The following C1orf21 variants were observed in gnomAD, a reference collection of about 807,000 sequenced individuals.
The protein encoded by C1orf21 is uncharacterized protein C1orf21.
In C1orf21, 3 loss-of-function variants were observed where a neutral mutation model predicts 18.7. The observed-to-expected ratio is 0.16, with a 90% CI of 0.07 to 0.42. The LOEUF (loss-of-function observed/expected upper bound fraction) is 0.42. Among genes scored for constraint, C1orf21 ranks in the 10% least tolerant of loss-of-function variants. C1orf21 has a pLI of 0.99. For synonymous variants in C1orf21, 41 were observed against 46.4 expected (o/e 0.88, Z 0.47); for missense variants, 104 against 143.6 (o/e 0.72, Z 1.41).
Position 184,387,718 on chromosome 1 carries a change from C to A in C1orf21, c.-125+350C>A, listed in dbSNP as rs1175718038. ...GTGTTAGACACCCCTCCCTTCCCAC[C>A]CGCACCCTGCCGCCCTCAGCCTTCC... On this transcript the variant is annotated intron_variant, in intron 1 of 5. Transcript: ENST00000235307. This position sits in a 1 kb window ranked among gnomAD's most constrained non-coding sequence, Gnocchi z 5.6. Among the ~76,000 whole-genome samples the A allele has an allele frequency of 6.6e-6, 1 of 152,184 alleles. No homozygotes were observed.
chr1:184,610,709 A>G (rs1423297650), intron 5 of C1orf21, among the ~76,000 whole-genome samples: 2 of 152,024 alleles, frequency 1.3e-5, no homozygotes, highest in Admixed American at 6.5e-5. Context: ...TTAGATGGGC[A>G]TGGTGGCAGG....
intron 3 of C1orf21, among the ~76,000 whole-genome samples, chr1:184,561,726 T>TAG (rs1658968222): frequency 6.6e-6 from 1 of 152,140 alleles, no homozygotes; most frequent in Admixed American, 6.5e-5. Flanking sequence ...CAAGTAATTC[T>TAG]CCTGCCTCAG....
In C1orf21 at chr1:184,477,700, G is replaced by A; in HGVS notation, c.94+97G>A. 3 of 937,338 alleles carry A rather than the reference G, an allele frequency of 3.2e-6. No individual in the cohort carries two copies. In the South Asian group the frequency reaches 5.0e-5, roughly 16 times the overall value. 58.1% of individuals were successfully genotyped at this position (937,338 alleles called of 1,614,324 possible). On this transcript the variant is annotated intron_variant, in intron 2 of 5. Transcript: ENST00000235307. ...ATTTGTACATATTTATGGGGTGCTT[G>A]TGATATTTTGTTACATGCCTAGAAT...
At chr1:184,478,086 C>A (rs1397282060) in intron 2 of C1orf21, among the ~76,000 whole-genome samples, 1 of 152,122 alleles carries the variant, frequency 6.6e-6, no homozygotes, top group Admixed American at 6.6e-5. Flanking sequence ...GCATTTAAAT[C>A]AAGCTTCAAA....
chr1:184,596,873 CAAAA>C (rs11291932), intron 4 of C1orf21, among the ~76,000 whole-genome samples: 1 of 123,452 alleles, frequency 8.1e-6, no homozygotes, highest in Non-Finnish European at 1.8e-5. Context: ...GACTCTGTCT[CAAAA>C]AAAAAAAAAA....
rs775635840 is a variant in C1orf21, at chr1:184,616,710, ATG to A, written c.328-2802_328-2801del. Among the ~76,000 whole-genome samples, 4 of 99,964 alleles carry A rather than the reference ATG, an allele frequency of 4.0e-5. No individual in the cohort carries two copies. The South Asian group carries it at 1.3e-3, about 31-fold the overall frequency. 65.6% of individuals were successfully genotyped at this position (99,964 alleles called of 152,430 possible). A position where few individuals can be genotyped will look rare whatever the true frequency, so the allele number is the denominator to read the frequency against. ...TGTGCTTGTGTGTGCACACGTGTGT[ATG>A]TGTGTTGTGTGCACGTGTGTGTGTG... On this transcript the variant is annotated intron_variant, in intron 5 of 5. Transcript: ENST00000235307.
At position 184,607,747 on chromosome 1, in the gene C1orf21, GTATA is replaced by G. The variant is rs1163993523; in HGVS notation, c.327+9293_327+9296del. Among the ~76,000 whole-genome samples, 6 of 149,832 alleles carry G rather than the reference GTATA, an allele frequency of 4.0e-5. No individual in the cohort carries two copies. In the South Asian group the frequency reaches 1.3e-3, roughly 32 times the overall value. ...TATATATATACATATATATGTGTGT[GTATA>G]TATATACATATATAGAGAGAAAGAG... On this transcript the variant is annotated intron_variant, in intron 5 of 5. Coordinates refer to ENST00000235307, the MANE Select transcript of C1orf21 (RefSeq NM_030806.4).
At chr1:184,412,758 T>C (rs1168770912) in intron 1 of C1orf21, among the ~76,000 whole-genome samples, 1 of 152,140 alleles carries the variant, frequency 6.6e-6, no homozygotes, top group Non-Finnish European at 1.5e-5. Context: ...CAGTGAGCTA[T>C]GATTGTGCCA....
chr1:184,587,320 C>CTGTG (rs990833564), intron 3 of C1orf21, among the ~76,000 whole-genome samples: 1 of 95,502 alleles, frequency 1.0e-5, no homozygotes, highest in African/African-American at 4.0e-5. Flanking sequence ...TATTCTAGTT[C>CTGTG]TGTGAAGACA....
chr1:184,451,779 T>C (rs1183353203), intron 1 of C1orf21, among the ~76,000 whole-genome samples: 3 of 152,200 alleles, frequency 2.0e-5, no homozygotes, highest in Non-Finnish European at 2.9e-5. Flanking sequence ...ATGAGCATAT[T>C]GCACATTGTA....
intron 1 of C1orf21, among the ~76,000 whole-genome samples, chr1:184,409,278 A>T (rs1170061296): frequency 2.6e-5 from 4 of 152,110 alleles, no homozygotes; most frequent in Non-Finnish European, 5.9e-5. Context: ...GGTCCTTCTT[A>T]TGTTGGCATT....
At chr1:184,603,505 G>A (rs1659611402) in intron 5 of C1orf21, among the ~76,000 whole-genome samples, 1 of 152,218 alleles carries the variant, frequency 6.6e-6, no homozygotes, top group African/African-American at 2.4e-5. Flanking sequence ...TTTAAAAGAT[G>A]TTTGTTTGGC....
At chr1:184,610,699 T>A (rs1454774382) in intron 5 of C1orf21, among the ~76,000 whole-genome samples, 1 of 151,560 alleles carries the variant, frequency 6.6e-6, no homozygotes, top group East Asian at 1.9e-4. Context: ...ACAAAAAAAT[T>A]TAGATGGGCA....
At chr1:184,410,804 T>TG (rs58531756) in intron 1 of C1orf21, among the ~76,000 whole-genome samples, 4 of 142,098 alleles carry the variant, frequency 2.8e-5, no homozygotes, top group African/African-American at 1.1e-4. Flanking sequence ...TACAGGCGCC[T>TG]CCATGCCAGG....
At chr1:184,422,378 C>A (rs1016801409) in intron 1 of C1orf21, among the ~76,000 whole-genome samples, 1 of 152,298 alleles carries the variant, frequency 6.6e-6, no homozygotes, top group South Asian at 2.1e-4. Flanking sequence ...ACACTGTAAG[C>A]CAGGCAGCAT....
intron 3 of C1orf21, among the ~76,000 whole-genome samples, chr1:184,515,203 GA>G (rs1431137445): frequency 2.0e-5 from 3 of 152,204 alleles, no homozygotes; most frequent in African/African-American, 4.8e-5. Context: ...TGGATTAGAA[GA>G]ATTGCATGTG....
At chr1:184,443,558 G>A (rs1465813590) in intron 1 of C1orf21, among the ~76,000 whole-genome samples, 1 of 152,180 alleles carries the variant, frequency 6.6e-6, no homozygotes, top group Non-Finnish European at 1.5e-5. Context: ...CATAGTACCT[G>A]TAAAAGTTAA....
At chr1:184,586,372 C>T (rs1340048793) in intron 3 of C1orf21, among the ~76,000 whole-genome samples, 1 of 151,242 alleles carries the variant, frequency 6.6e-6, no homozygotes, top group Non-Finnish European at 1.5e-5. Context: ...AGGCTCCGCC[C>T]CCTGGGGTTC....
chr1:184,587,228 T>C (rs1182874234), intron 3 of C1orf21, among the ~76,000 whole-genome samples: 2 of 152,020 alleles, frequency 1.3e-5, no homozygotes, highest in African/African-American at 4.8e-5. Context: ...TCCAGCTTTG[T>C]TCTTTTTCCT....
Sources: gnomAD v4.1 joint callset for allele counts (sites outside exome capture counted in the v4.1 genomes callset) on GRCh38, gnomAD v4.1.1 for gene constraint, Gnocchi (gnomAD v3.1) non-coding constraint, MANE v1.5 for transcripts, NCBI Gene and HGNC (gene_info 2026-07-23, HGNC 2026-07-21) for gene names.